Variants in GALNT18 observed in about 807,000 individuals in gnomAD.
GALNT18 encodes the protein GalNAc-transferase 18.
GALNT18 carries 44 observed loss-of-function variants against 69.5 expected under a neutral mutation model. The ratio of observed to expected loss-of-function variants is 0.63; its 90% CI spans 0.50 to 0.81. The LOEUF is 0.81. Ranked by LOEUF, GALNT18 falls within the 40% of genes least tolerant of loss-of-function variation. The pLI is 0.00. For missense variants in GALNT18, 715 were observed against 810.0 expected (o/e 0.88, Z 1.42); for synonymous variants, 364 against 318.2 (o/e 1.14, Z -1.53).
intron 5 of GALNT18, among the ~76,000 whole-genome samples, chr11:11,373,613 T>C (rs991621827): frequency 6.6e-6 from 1 of 152,236 alleles, no homozygotes; most frequent in African/African-American, 2.4e-5. Flanking sequence ...AACAGGGGTC[T>C]TAGGCTGGAA....
chr11:11,476,402 G>C (rs1356448777), intron 1 of GALNT18: 1 of 152,182 alleles, frequency 6.6e-6, no homozygotes, highest in Non-Finnish European at 1.5e-5. Context: ...GATTTCTCAG[G>C]TGAACAGAGC....
rs796099958 is a variant in GALNT18 at position 11,617,004 on chromosome 11, A to G, written c.235+4355T>C. ...AAAAATCGTAACAATTTAGGCTACT[A>G]CACTGAGACTGCTTCATAAGCACCT... is the stretch of plus-strand genomic sequence containing the variant. On this transcript the variant is annotated intron_variant, in intron 1 of 10. Coordinates refer to ENST00000227756, the MANE Select transcript of GALNT18 (RefSeq NM_198516.3). The surrounding 1 kb of genome is among the most constrained non-coding windows in gnomAD (Gnocchi z 4.7). Among the ~76,000 whole-genome samples, 116 of 152,240 alleles carry G rather than the reference A, an allele frequency of 7.6e-4. No homozygotes were observed. Among genetic ancestry groups the G allele is most frequent in the African/African-American group, 2.7e-3 (112 of 41,456 alleles).
At chr11:11,349,196 T>C (rs967894696) in intron 6 of GALNT18, among the ~76,000 whole-genome samples, 3 of 152,238 alleles carry the variant, frequency 2.0e-5, no homozygotes, top group African/African-American at 4.8e-5. Context: ...AATTTATTTA[T>C]GCTCTCTTTA....
intron 6 of GALNT18, among the ~76,000 whole-genome samples, chr11:11,343,890 T>C (rs1204800205): frequency 6.6e-6 from 1 of 152,166 alleles, no homozygotes; most frequent in Non-Finnish European, 1.5e-5. Flanking sequence ...CATCGTGCCT[T>C]TAGACACGGT....
At chr11:11,329,696 A>T (rs9666922) in intron 8 of GALNT18, among the ~76,000 whole-genome samples, 7,150 of 152,270 alleles carry the variant, frequency 0.047, 535 homozygotes, top group African/African-American at 0.16. Flanking sequence ...CTCACTGTAT[A>T]TCATACAGGC....
intron 10 of GALNT18, among the ~76,000 whole-genome samples, chr11:11,274,003 T>G (rs900527231): frequency 4.6e-5 from 7 of 152,282 alleles, no homozygotes; most frequent in African/African-American, 9.6e-5. Context: ...TCATTCGGAC[T>G]GGTTGGACAG....
At chr11:11,442,590 C>T (rs2133810377) in intron 2 of GALNT18, among the ~76,000 whole-genome samples, 1 of 152,272 alleles carries the variant, frequency 6.6e-6, no homozygotes, top group African/African-American at 2.4e-5. Context: ...AGACCAGTGC[C>T]CCTGGCTCTG....
chr11:11,551,766 C>T (rs1165918862), intron 1 of GALNT18, among the ~76,000 whole-genome samples: 9 of 152,248 alleles, frequency 5.9e-5, no homozygotes, highest in Middle Eastern at 3.4e-3. Flanking sequence ...AGGATGCAGG[C>T]GGGCTGAGTC....
chr11:11,418,569 G>A (rs565223394), intron 3 of GALNT18, among the ~76,000 whole-genome samples: 27 of 152,288 alleles, frequency 1.8e-4, no homozygotes, highest in Middle Eastern at 3.4e-3. Flanking sequence ...GGCTTCTCCA[G>A]CACAGTTTCC....
Position 11,601,291 on chromosome 11 carries a change from T to G in GALNT18, c.235+20068A>C, listed in dbSNP as rs559765360. Among the ~76,000 whole-genome samples the G allele has an allele frequency of 6.6e-6, 1 of 152,358 alleles. No homozygotes were observed. The highest frequency in any genetic ancestry group is 2.1e-4 in the South Asian group (1 of 4,832). On this transcript the variant is annotated intron_variant, in intron 1 of 10. Coordinates refer to ENST00000227756, the MANE Select transcript of GALNT18 (RefSeq NM_198516.3). This position sits in a 1 kb window ranked among gnomAD's most constrained non-coding sequence, Gnocchi z 4.0. ...TTGTTGCACTATATACTTGTTTACT[T>G]GTTTACCGCATTGGATGGGCTACTT...
At chr11:11,502,797 C>T (rs1016188436) in intron 1 of GALNT18, among the ~76,000 whole-genome samples, 5 of 152,158 alleles carry the variant, frequency 3.3e-5, no homozygotes, top group Non-Finnish European at 5.9e-5. Context: ...TCATGAGAGG[C>T]GTAGCGTATC....
intron 5 of GALNT18, among the ~76,000 whole-genome samples, chr11:11,374,406 T>G (rs148597922): frequency 6.6e-6 from 1 of 152,168 alleles, no homozygotes; most frequent in Non-Finnish European, 1.5e-5. Flanking sequence ...AAAGATGCAA[T>G]TGTGCACTAA....
intron 6 of GALNT18, among the ~76,000 whole-genome samples, chr11:11,363,837 G>A (rs1372372716): frequency 6.6e-6 from 1 of 152,176 alleles, no homozygotes; most frequent in East Asian, 1.9e-4. Context: ...TTACAAGTCT[G>A]GAGCAGGAAA....
Position 11,584,915 on chromosome 11 carries a change from C to T in GALNT18, c.235+36444G>A, listed in dbSNP as rs78701471. 0.03 allele frequency among the ~76,000 whole-genome samples: 4,640 copies of T among 152,234 alleles called. 219 individuals are homozygous for T. Among genetic ancestry groups the T allele is most frequent in the African/African-American group, 0.11 (4,384 of 41,514 alleles). On this transcript the variant is annotated intron_variant, in intron 1 of 10. Coordinates refer to ENST00000227756, the MANE Select transcript of GALNT18 (RefSeq NM_198516.3). This position sits in a 1 kb window ranked among gnomAD's most constrained non-coding sequence, Gnocchi z 4.1. ...TAATATTTTTCCCCAGTGATAAAAT[C>T]CAAGCTTTTAAGGAAAATTTATAAT...
chr11:11,325,924 A>G (rs1400201757), intron 9 of GALNT18, among the ~76,000 whole-genome samples: 1 of 151,650 alleles, frequency 6.6e-6, no homozygotes, highest in East Asian at 1.9e-4. Flanking sequence ...GCATTCACAC[A>G]CAGAGTGACA....
In GALNT18 at chr11:11,572,697, C is replaced by G. The variant is rs545859033; in HGVS notation, c.235+48662G>C. Among the ~76,000 whole-genome samples the G allele has an allele frequency of 2.0e-4, 30 of 152,292 alleles. 1 individual carries two copies. Among genetic ancestry groups the G allele is most frequent in the African/African-American group, 5.3e-4 (22 of 41,566 alleles). On this transcript the variant is annotated intron_variant, in intron 1 of 10. Transcript: ENST00000227756. ...AACATTCAACATGGCTGCCCGGTGC[C>G]CTTCTGAGGAAGACAAGGAACAGAT...
In GALNT18 at chr11:11,332,583, C is replaced by T; in HGVS notation, c.1416+111G>A. On this transcript the variant is annotated intron_variant, in intron 8 of 10. Coordinates refer to ENST00000227756, the MANE Select transcript of GALNT18 (RefSeq NM_198516.3). This position sits in a 1 kb window ranked among gnomAD's most constrained non-coding sequence, Gnocchi z 4.3. ...ACCCAGCGCCCGGTCCCCAGGCCTA[C>T]TGCAGTTCTTCATGTGAGCAGCTGA... The T allele has an allele frequency of 7.9e-7, 1 of 1,271,292 alleles. No homozygotes were observed. The highest frequency in any genetic ancestry group is 2.4e-5 in the East Asian group (1 of 41,258). The allele number at this position is 1,271,292 out of a possible 1,614,324, so 78.8% of individuals were successfully genotyped here. A position where few individuals can be genotyped will look rare whatever the true frequency, so the allele number is the denominator to read the frequency against.
At chr11:11,579,476 G>C (rs1033927266) in intron 1 of GALNT18, among the ~76,000 whole-genome samples, 1 of 152,124 alleles carries the variant, frequency 6.6e-6, no homozygotes, top group Non-Finnish European at 1.5e-5. Flanking sequence ...AGATGGAATG[G>C]AGCTGCTCGG....
chr11:11,306,319 G>C (rs1021909322), intron 9 of GALNT18, among the ~76,000 whole-genome samples: 3 of 152,142 alleles, frequency 2.0e-5, no homozygotes, highest in African/African-American at 7.2e-5. Flanking sequence ...AGCAATCTTG[G>C]TGATCAGAAG....
Sources: allele counts gnomAD v4.1 joint callset (sites outside exome capture counted in the v4.1 genomes callset), GRCh38; gene constraint gnomAD v4.1.1; non-coding constraint Gnocchi (gnomAD v3.1); transcripts MANE v1.5; gene names NCBI Gene and HGNC (gene_info 2026-07-23, HGNC 2026-07-21).